Variants in SH3YL1 observed in about 807,000 individuals in gnomAD.
The protein encoded by SH3YL1 is SH3 domain-containing YSC84-like protein 1.
SH3YL1 carries 41 observed loss-of-function variants against 45.8 expected under a neutral mutation model. The observed-to-expected ratio is 0.89, with a 90% CI of 0.70 to 1.16. SH3YL1 has a LOEUF of 1.16. SH3YL1 is among the 50% of genes most tolerant of loss of function. The pLI, the probability that SH3YL1 is intolerant of heterozygous loss-of-function variation, is 0.00. For synonymous variants in SH3YL1, 152 were observed against 151.4 expected, an observed-to-expected ratio of 1.00 and a Z score of -0.03; for missense variants, 389 against 409.6, an observed-to-expected ratio of 0.95 and a Z score of 0.43.
At chr2:240,454 G>T (rs1201952083) in intron 4 of SH3YL1, 1 of 152,244 alleles carries the variant, frequency 6.6e-6, no homozygotes, top group African/African-American at 2.4e-5. Context: ...CAAAAATGAT[G>T]CTTTTGGTGA....
intron 4 of SH3YL1, among the ~76,000 whole-genome samples, chr2:244,228 G>A (rs1292099039): frequency 6.6e-6 from 1 of 151,954 alleles, no homozygotes; most frequent in Non-Finnish European, 1.5e-5. Context: ...CTGGAGCGGT[G>A]GCTCACGCCT....
intron 6 of SH3YL1, among the ~76,000 whole-genome samples, chr2:231,903 A>C (rs1668062184): frequency 1.3e-5 from 2 of 152,046 alleles, no homozygotes; most frequent in South Asian, 4.2e-4. Flanking sequence ...GTTTATATTT[A>C]GCTTTATTAA....
intron 1 of SH3YL1, chr2:261,040 A>G (rs1669568034): frequency 6.6e-6 from 1 of 152,252 alleles, no homozygotes; most frequent in Non-Finnish European, 1.5e-5. Flanking sequence ...GGACATCTTC[A>G]GTGTGTCAGC....
chr2:257,780 A>C (rs1191831807), intron 1 of SH3YL1, among the ~76,000 whole-genome samples: 2 of 152,184 alleles, frequency 1.3e-5, no homozygotes, highest in Admixed American at 1.3e-4. Context: ...ATTTGGCTTA[A>C]GTTTTTAACA....
intron 4 of SH3YL1, chr2:240,720 G>T (rs1668506212): frequency 6.6e-6 from 1 of 152,274 alleles, no homozygotes; most frequent in Non-Finnish European, 1.5e-5. Flanking sequence ...TAACAACAGT[G>T]TGTAATACCA....
chr2:247,577 C>T lies in SH3YL1; in HGVS notation c.252G>A (p.Gly84=), dbSNP rs1021468341. The change falls in exon 4 of 10, where the codon GGG becomes GGA. Residue 84 remains glycine (G), a synonymous_variant. Transcript: ENST00000356150. ...DGKWSAPSAI[G]IAGLGGGFEI... is the part of the protein sequence containing the mutation. ...CAAATCCTCCACCAAGGCCAGCTAT[C>T]CCAATGGCTGAGGGTGCAGACCATT... 1 of 1,551,724 alleles carries T rather than the reference C, an allele frequency of 6.4e-7. No individual in the cohort carries two copies. The highest frequency in any genetic ancestry group is 1.2e-5 in the South Asian group (1 of 84,050).
intron 4 of SH3YL1, among the ~76,000 whole-genome samples, chr2:234,507 C>T (rs768133409): frequency 6.6e-6 from 1 of 152,192 alleles, no homozygotes; most frequent in Non-Finnish European, 1.5e-5. Context: ...CATGTGTATA[C>T]TATGAGGTTT....
In SH3YL1 at chr2:234,266, C is replaced by A; in HGVS notation, c.298G>T (p.Asp100Tyr). The part of the protein sequence containing the change: ...GGFEIGIEVS[D>Y]LVIILNYDRA... ...TCATAATTCAGAATTATCACCAAGT[C>A]TGATACCTAAAGTGTAGAAACCCAT... Residue 100 changes from aspartate to tyrosine, a missense_variant, in exon 5 of 10, where the codon GAC becomes TAC. Asp to Tyr is a radical substitution (Grantham distance 160). Coordinates refer to ENST00000356150, the MANE Select transcript of SH3YL1 (RefSeq NM_015677.4). 1 of 1,610,484 alleles carries A rather than the reference C, an allele frequency of 6.2e-7. No individual in the cohort carries two copies. The highest frequency in any genetic ancestry group is 8.5e-7 in the Non-Finnish European group (1 of 1,178,574).
chr2:224,912 TTC>T lies in SH3YL1; in HGVS notation c.788_789del (p.Arg263LysfsTer2). 6.2e-7 allele frequency: 1 copy of T among 1,611,070 alleles called. No homozygotes were observed. Among genetic ancestry groups the T allele is most frequent in the Non-Finnish European group, 8.5e-7 (1 of 1,177,238 alleles). On this transcript the variant is annotated frameshift_variant, in exon 9 of 10. Transcript: ENST00000356150. LOFTEE classifies it high-confidence loss of function. Reference sequence around the variant, plus strand: ...AGTCCAGGATAGAGCTTATATTCATTTCTGTTACCTGCCAAAAAAGAGGAGAG... The same window carrying T: ...AGTCCAGGATAGAGCTTATATTCATTTGTTACCTGCCAAAAAAGAGGAGAG... ...VQLNSGSQSN[R>X]NEYKLYPGLS...
intron 8 of SH3YL1, among the ~76,000 whole-genome samples, chr2:227,110 G>T (rs1667817034): frequency 1.3e-5 from 2 of 152,030 alleles, no homozygotes; most frequent in African/African-American, 4.8e-5. Flanking sequence ...AAGGTTATGG[G>T]GAGTGTATAT....
intron 1 of SH3YL1, chr2:262,647 G>C: frequency 7.7e-7 from 1 of 1,304,282 alleles, no homozygotes; most frequent in Non-Finnish European, 1.0e-6. Context: ...ACAAGCTGGC[G>C]TGCACAGGGA....
At chr2:257,497 T>A (rs2103057695) in intron 1 of SH3YL1, among the ~76,000 whole-genome samples, 1 of 152,334 alleles carries the variant, frequency 6.6e-6, no homozygotes, top group South Asian at 2.1e-4. Context: ...GGAGTATGCA[T>A]CTGTAACAAT....
rs1174805097 is a variant in SH3YL1 at position 218,203 on chromosome 2, T to G, written c.*608A>C. On this transcript the variant is annotated 3_prime_UTR_variant, in exon 10 of 10. Coordinates refer to ENST00000356150, the MANE Select transcript of SH3YL1 (RefSeq NM_015677.4). ...GACAAGTCTACCATGTCACCGTAAG[T>G]TTATGCTACTGCTGGAAATGAACAA... 2 of 152,186 alleles carry G rather than the reference T, an allele frequency of 1.3e-5. No homozygotes were observed. Among genetic ancestry groups the G allele is most frequent in the Non-Finnish European group, 2.9e-5 (2 of 68,030 alleles). The allele number at this position is 152,186 out of a possible 1,614,324, so 9.4% of individuals were successfully genotyped here. A position where few individuals can be genotyped will look rare whatever the true frequency, so the allele number is the denominator to read the frequency against.
intron 6 of SH3YL1, among the ~76,000 whole-genome samples, chr2:232,737 C>T (rs559776780): frequency 6.6e-6 from 1 of 152,046 alleles, no homozygotes; most frequent in East Asian, 1.9e-4. Context: ...ATGATGGTTT[C>T]CAGCTATCTT....
At chr2:237,737 A>C (rs1016864808) in intron 4 of SH3YL1, among the ~76,000 whole-genome samples, 1 of 152,206 alleles carries the variant, frequency 6.6e-6, no homozygotes, top group South Asian at 2.1e-4. Context: ...CAGATACCCC[A>C]ATCAGACTGA....
intron 3 of SH3YL1, among the ~76,000 whole-genome samples, chr2:249,438 CT>C (rs1668977377): frequency 1.3e-5 from 2 of 152,178 alleles, no homozygotes; most frequent in South Asian, 4.1e-4. Flanking sequence ...AATGCACATA[CT>C]GCCATGTTTC....
chr2:253,112 T>C lies in SH3YL1; in HGVS notation c.5A>G (p.Asn2Ser), dbSNP rs777878451. M[N>S]NPIPSNLKSE... ...TTTCAAATTGGAAGGTATAGGGTTATTCACTGAAACATAACAAAAGATATT... is the reference window on the plus strand; with the variant it reads ...TTTCAAATTGGAAGGTATAGGGTTACTCACTGAAACATAACAAAAGATATT... Residue 2 changes from asparagine (N) to serine (S), a missense_variant, in exon 2 of 10, where the codon AAT (asparagine) becomes AGT (serine). Physicochemically the swap from Asn to Ser is conservative, Grantham distance 46. Transcript: ENST00000356150. 383 of 1,476,054 alleles carry C rather than the reference T, an allele frequency of 2.6e-4. No individual in the cohort carries two copies. Among genetic ancestry groups the C allele is most frequent in the Non-Finnish European group, 3.3e-4 (362 of 1,086,684 alleles). The allele number at this position is 1,476,054 out of a possible 1,614,324, so 91.4% of individuals were successfully genotyped here.
At chr2:243,562 T>A (rs1327574058) in intron 4 of SH3YL1, 74 of 1,474,932 alleles carry the variant, frequency 5.0e-5, no homozygotes, top group Non-Finnish European at 6.4e-5. Context: ...TGTAAATGTG[T>A]CTATTAAAAA....
Position 233,182 on chromosome 2 carries a change from GTGAAGAC to G in SH3YL1, c.445_451del (p.Val149ArgfsTer14), listed in dbSNP as rs750335672. On this transcript the variant is annotated frameshift_variant, in exon 6 of 10. Coordinates refer to ENST00000356150, the MANE Select transcript of SH3YL1 (RefSeq NM_015677.4). LOFTEE classifies it high-confidence loss of function. ...AAAGAGTCCCCTTGACTTGCAGTAC[GTGAAGAC>G]GGCAGCGGAGCTTCTCAGGGCCACG... The G allele has an allele frequency of 1.2e-5, 19 of 1,594,392 alleles. No individual in the cohort carries two copies. The highest frequency in any genetic ancestry group is 8.6e-7 in the Non-Finnish European group (1 of 1,168,596).
Sources: allele counts gnomAD v4.1 joint callset (sites outside exome capture counted in the v4.1 genomes callset), GRCh38; gene constraint gnomAD v4.1.1; transcripts MANE v1.5; gene names NCBI Gene and HGNC (gene_info 2026-07-23, HGNC 2026-07-21).